Variants in TBCK observed in about 807,000 individuals in gnomAD.
TBCK encodes the protein TBC1 domain containing kinase.
In TBCK, 99 loss-of-function variants were observed where a neutral mutation model predicts 113.4. That is an observed-to-expected ratio of 0.87 (90% CI 0.74 to 1.03). TBCK has a LOEUF of 1.03. Among genes scored for constraint, TBCK ranks in the 50% least tolerant of loss-of-function variants. The pLI is 0.00. For missense variants in TBCK, 1,045 were observed against 1,061.3 expected, an observed-to-expected ratio of 0.98 and a Z score of 0.21; for synonymous variants, 369 against 370.8, an observed-to-expected ratio of 1.00 and a Z score of 0.05.
At chr4:106,162,174 C>T (rs537743988) in intron 23 of TBCK, among the ~76,000 whole-genome samples, 1 of 152,140 alleles carries the variant, frequency 6.6e-6, no homozygotes, top group Non-Finnish European at 1.5e-5. Flanking sequence ...TCATGCAAGT[C>T]CAAAATTCAG....
At chr4:106,102,566 C>G (rs770815710) in intron 24 of TBCK, among the ~76,000 whole-genome samples, 24 of 151,562 alleles carry the variant, frequency 1.6e-4, no homozygotes, top group Non-Finnish European at 2.9e-5. Context: ...TAAGCAACCA[C>G]TTAAATCATT....
At chr4:106,221,322 T>G in intron 19 of TBCK, among the ~76,000 whole-genome samples, 1 of 152,192 alleles carries the variant, frequency 6.6e-6, no homozygotes, top group East Asian at 1.9e-4. Context: ...TAACTGCATA[T>G]ACATATATAT....
intron 22 of TBCK, among the ~76,000 whole-genome samples, chr4:106,187,647 C>T (rs181349939): frequency 6.6e-6 from 1 of 152,246 alleles, no homozygotes; most frequent in African/African-American, 2.4e-5. Context: ...AACTCCTGAC[C>T]TTGTGATCTG....
intron 15 of TBCK, among the ~76,000 whole-genome samples, chr4:106,234,096 T>C (rs1416692233): frequency 1.3e-5 from 2 of 152,084 alleles, no homozygotes; most frequent in Admixed American, 6.6e-5. Flanking sequence ...CAAATTTTGG[T>C]CGTGTTCTAT....
At chr4:106,298,672 G>A (rs945825179) in intron 2 of TBCK, among the ~76,000 whole-genome samples, 46 of 151,944 alleles carry the variant, frequency 3.0e-4, no homozygotes, top group African/African-American at 1.1e-3. Context: ...GAAAGTTCTC[G>A]ACTTGATAAG....
chr4:106,174,095 T>C (rs1333476431), intron 22 of TBCK, among the ~76,000 whole-genome samples: 1 of 152,100 alleles, frequency 6.6e-6, no homozygotes, highest in African/African-American at 2.4e-5. Context: ...AAAAGACAGC[T>C]TTCCTGAGCC....
At chr4:106,230,342 A>T (rs1758720194) in intron 19 of TBCK, 21 bp downstream of exon 19, 15 of 1,481,292 alleles carry the variant, frequency 1.0e-5, no homozygotes, top group Non-Finnish European at 1.4e-5. Context: ...CTGTAGAAAG[A>T]CATGGAAGAC....
intron 25 of TBCK, among the ~76,000 whole-genome samples, chr4:106,055,171 T>C (rs1735244575): frequency 6.6e-6 from 1 of 151,614 alleles, no homozygotes; most frequent in Non-Finnish European, 1.5e-5. Flanking sequence ...CATGCTATCA[T>C]AATCAGATTC....
At chr4:106,071,972 A>G (rs927956844) in intron 25 of TBCK, among the ~76,000 whole-genome samples, 11 of 151,492 alleles carry the variant, frequency 7.3e-5, no homozygotes, top group Non-Finnish European at 1.5e-4. Flanking sequence ...CCTTCCCTTT[A>G]TTTTGAGCCT....
chr4:106,177,371 T>A (rs990582962), intron 22 of TBCK, among the ~76,000 whole-genome samples: 1 of 152,014 alleles, frequency 6.6e-6, no homozygotes, highest in Non-Finnish European at 1.5e-5. Context: ...TTGGCTTTGG[T>A]TGCCTGTGTT....
chr4:106,156,030 C>A (rs534887166), intron 23 of TBCK, among the ~76,000 whole-genome samples: 31 of 152,032 alleles, frequency 2.0e-4, no homozygotes, highest in Non-Finnish European at 4.0e-4. Flanking sequence ...GTATTTCCTG[C>A]AAGGCTTTTC....
chr4:106,147,436 G>T (rs1747933523), intron 23 of TBCK, among the ~76,000 whole-genome samples: 1 of 152,156 alleles, frequency 6.6e-6, no homozygotes, highest in Admixed American at 6.5e-5. Flanking sequence ...GGAAGTCAGG[G>T]ACCCCAAACA....
At chr4:106,309,510 G>A (rs1476545793) in intron 1 of TBCK, among the ~76,000 whole-genome samples, 1 of 151,632 alleles carries the variant, frequency 6.6e-6, no homozygotes, top group Non-Finnish European at 1.5e-5. Context: ...CACTATGTTG[G>A]CCAGGCTGGT....
In TBCK at chr4:106,120,369, G is replaced by A. The variant is rs534782274; in HGVS notation, c.2236-3991C>T. 2.0e-5 allele frequency among the ~76,000 whole-genome samples: 3 copies of A among 152,234 alleles called. No individual in the cohort carries two copies. The East Asian group carries it at 5.8e-4, about 29-fold the overall frequency. On this transcript the variant is annotated intron_variant, in intron 23 of 25. Coordinates refer to ENST00000394708, the MANE Select transcript of TBCK (RefSeq NM_001163435.3). ...ACAGCAGTCTGAGATCAAACTGCAAGGCGGCAGCGAGGCTGGGGGAGGGGC... is the reference window on the plus strand; with the variant it reads ...ACAGCAGTCTGAGATCAAACTGCAAAGCGGCAGCGAGGCTGGGGGAGGGGC...
intron 2 of TBCK, among the ~76,000 whole-genome samples, chr4:106,296,870 TA>T (rs751280095): frequency 6.6e-6 from 1 of 151,892 alleles, no homozygotes; most frequent in Non-Finnish European, 1.5e-5. Flanking sequence ...AACCATGCAA[TA>T]AAAGGTCAAG....
rs147273756 is a variant in TBCK at position 106,232,861 on chromosome 4, AT to A, written c.1639+76del. Reference sequence around the variant, plus strand: ...TCCCCAAAGACAAGGATGTTTAGATATTTTAATTTTTTTAAATGTCAGTTAT... The same window carrying A: ...TCCCCAAAGACAAGGATGTTTAGATATTTAATTTTTTTAAATGTCAGTTAT... On this transcript the variant is annotated intron_variant, in intron 17 of 25. Transcript: ENST00000394708. 5.1e-3 allele frequency: 7,149 copies of A among 1,399,758 alleles called. 286 individuals carry two copies. The African/African-American group carries it at 0.092, about 18-fold the overall frequency. The allele number at this position is 1,399,758 out of a possible 1,614,324, so 86.7% of individuals were successfully genotyped here.
At chr4:106,268,480 G>A (rs1439457087) in intron 3 of TBCK, among the ~76,000 whole-genome samples, 1 of 151,952 alleles carries the variant, frequency 6.6e-6, no homozygotes, top group African/African-American at 2.4e-5. Flanking sequence ...TCACACAATG[G>A]TACAAGGGGG....
At chr4:106,054,835 AAG>A (rs1735203701) in intron 25 of TBCK, among the ~76,000 whole-genome samples, 3 of 151,686 alleles carry the variant, frequency 2.0e-5, no homozygotes, top group Non-Finnish European at 4.4e-5. Flanking sequence ...TGGCTCTGGT[AAG>A]AGTCAAATGC....
rs754332830 is a variant in TBCK at position 106,308,825 on chromosome 4, T to C, written c.136A>G (p.Lys46Glu). 3.1e-6 allele frequency: 5 copies of C among 1,614,198 alleles called. No individual in the cohort carries two copies. The South Asian group carries it at 5.5e-5, about 18-fold the overall frequency. The change falls in exon 2 of 26, where the codon AAA (lysine) becomes GAA (glutamate). Residue 46 changes from lysine (K) to glutamate (E), a missense_variant. Transcript: ENST00000394708. ...CAGAGTCTGGGATGGGTGATGGTTT[T>C]AAGGATTTGAAAGCGCCCTAAAATT... ...IKILGRFQIL[K>E]TITHPRLCQY...
Sources: gnomAD v4.1 joint callset for allele counts (sites outside exome capture counted in the v4.1 genomes callset) on GRCh38, gnomAD v4.1.1 for gene constraint, MANE v1.5 for transcripts, NCBI Gene and HGNC (gene_info 2026-07-23, HGNC 2026-07-21) for gene names.